The following NCALD variants were observed in gnomAD, a reference collection of about 807,000 sequenced individuals.
NCALD encodes the protein neurocalcin-delta.
NCALD carries 10 observed loss-of-function variants against 18.6 expected under a neutral mutation model. That is an observed-to-expected ratio of 0.54 (90% CI 0.33 to 0.91). The LOEUF (loss-of-function observed/expected upper bound fraction) is 0.91, where lower values mean the gene tolerates loss of function less well. Among genes scored for constraint, NCALD ranks in the 40% least tolerant of loss-of-function variants. The probability of loss-of-function intolerance (pLI) is 0.03; values close to 1 mark genes in which losing one functional copy is unlikely to be tolerated. For missense variants in NCALD, 184 were observed against 247.6 expected (o/e 0.74, Z 1.72); for synonymous variants, 88 against 87.4 (o/e 1.01, Z -0.04).
At chr8:101,731,607 C>T (rs1187531877) in intron 1 of NCALD, among the ~76,000 whole-genome samples, 1 of 152,190 alleles carries the variant, frequency 6.6e-6, no homozygotes, top group African/African-American at 2.4e-5. Flanking sequence ...GGCACACCCA[C>T]CCTGCTCTTA....
intron 1 of NCALD, among the ~76,000 whole-genome samples, chr8:101,781,711 A>G (rs991125294): frequency 6.6e-6 from 1 of 152,220 alleles, no homozygotes; most frequent in African/African-American, 2.4e-5. Context: ...GAGTGAAATT[A>G]TCATCAATAT....
rs995779883 is a variant in NCALD at position 101,874,827 on chromosome 8, G to A, written c.-20+12314C>T. Among the ~76,000 whole-genome samples, 9 of 152,176 alleles carry A rather than the reference G, an allele frequency of 5.9e-5. No homozygotes were observed. In the South Asian group the frequency reaches 1.2e-3, roughly 21 times the overall value. On this transcript the variant is annotated intron_variant, in intron 4 of 6. Transcript: ENST00000311028. ...AGAGGTATGAGCCACTGTGCCCAGC[G>A]TCTTACCCAATTTTTAACTCCTCTC...
chr8:102,037,761 C>A (rs1259993680), intron 1 of NCALD, among the ~76,000 whole-genome samples: 1 of 152,034 alleles, frequency 6.6e-6, no homozygotes, highest in Non-Finnish European at 1.5e-5. Flanking sequence ...TTGAGAGGAC[C>A]CAGTTCTTAG....
intron 2 of NCALD, among the ~76,000 whole-genome samples, chr8:101,955,662 T>C (rs1287477759): frequency 5.9e-5 from 9 of 152,344 alleles, no homozygotes; most frequent in Non-Finnish European, 1.2e-4. Context: ...AGATAATTCT[T>C]AATCTATTTT....
At chr8:102,096,656 T>C (rs554784752) in intron 1 of NCALD, among the ~76,000 whole-genome samples, 2 of 151,676 alleles carry the variant, frequency 1.3e-5, no homozygotes, top group South Asian at 4.2e-4. Context: ...CTGCAACCAA[T>C]TAGACTGACG....
At chr8:102,088,099 T>C (rs1309021546) in intron 1 of NCALD, among the ~76,000 whole-genome samples, 1 of 152,216 alleles carries the variant, frequency 6.6e-6, no homozygotes, top group Non-Finnish European at 1.5e-5. Context: ...TACCTTAGGA[T>C]AGAACATGGG....
At chr8:102,077,603 G>A (rs564783267) in intron 1 of NCALD, among the ~76,000 whole-genome samples, 5 of 152,250 alleles carry the variant, frequency 3.3e-5, no homozygotes, top group East Asian at 3.9e-4. Context: ...ATGCCTGCCC[G>A]TCCTATCCCT....
chr8:101,999,350 T>C (rs1821359531), intron 2 of NCALD, among the ~76,000 whole-genome samples: 1 of 152,150 alleles, frequency 6.6e-6, no homozygotes, highest in African/African-American at 2.4e-5. Context: ...TAAAAAAGAA[T>C]GAAGTAATGG....
intron 2 of NCALD, among the ~76,000 whole-genome samples, chr8:101,929,397 T>A (rs1397924036): frequency 1.8e-3 from 7 of 3,928 alleles, no homozygotes; most frequent in East Asian, 6.3e-3. Flanking sequence ...GAGGGAGGCA[T>A]GGAGGGAGGG....
intron 2 of NCALD, among the ~76,000 whole-genome samples, chr8:101,992,431 T>C (rs1821082760): frequency 6.6e-6 from 1 of 152,170 alleles, no homozygotes; most frequent in African/African-American, 2.4e-5. Flanking sequence ...AAGCCATGCA[T>C]TATGGGTTAA....
intron 3 of NCALD, among the ~76,000 whole-genome samples, chr8:101,912,706 C>A (rs1037359300): frequency 3.9e-5 from 6 of 152,212 alleles, no homozygotes; most frequent in African/African-American, 1.4e-4. Context: ...TTGTAATTCT[C>A]CTATTGTAGA....
intron 1 of NCALD, among the ~76,000 whole-genome samples, chr8:102,116,646 T>C (rs1216465911): frequency 6.6e-6 from 1 of 151,940 alleles, no homozygotes; most frequent in Non-Finnish European, 1.5e-5. Context: ...AGAGGCCTAA[T>C]TTTTTTTCTT....
intron 4 of NCALD, among the ~76,000 whole-genome samples, chr8:101,857,846 A>G (rs1045556717): frequency 1.3e-5 from 2 of 152,206 alleles, no homozygotes; most frequent in African/African-American, 4.8e-5. Context: ...AATATTCCAC[A>G]TCCCAGAAAA....
At chr8:101,772,047 C>A (rs769194583) in intron 1 of NCALD, among the ~76,000 whole-genome samples, 7 of 150,608 alleles carry the variant, frequency 4.6e-5, no homozygotes, top group Non-Finnish European at 7.4e-5. Context: ...AGGCCACATC[C>A]CACAGAGAGT....
In NCALD at chr8:101,906,927, A is replaced by G. The variant is rs1043639021; in HGVS notation, c.-107+8882T>C. Among the ~76,000 whole-genome samples the G allele has an allele frequency of 5.9e-5, 9 of 152,260 alleles. 1 individual carries two copies. Among genetic ancestry groups the G allele is most frequent in the South Asian group, 4.1e-4 (2 of 4,832 alleles). Reference sequence around the variant, plus strand: ...TTAATGCAATGTTTTAAAGAAAATCAGAATGAATGAAGACATTCATGATGA... The same window carrying G: ...TTAATGCAATGTTTTAAAGAAAATCGGAATGAATGAAGACATTCATGATGA... On this transcript the variant is annotated intron_variant, in intron 3 of 6. Transcript: ENST00000311028.
rs1250325821 is a variant in NCALD at position 101,688,852 on chromosome 8, T to G, written c.*457A>C. 1.3e-5 allele frequency: 8 copies of G among 624,868 alleles called. No individual in the cohort carries two copies. Among genetic ancestry groups the G allele is most frequent in the Non-Finnish European group, 2.3e-5 (8 of 347,502 alleles). The allele number at this position is 624,868 out of a possible 1,614,324, so 38.7% of individuals were successfully genotyped here. A position where few individuals can be genotyped will look rare whatever the true frequency, so the allele number is the denominator to read the frequency against. Reference sequence around the variant, plus strand: ...CTCACCCCAGAGGGTAACTTGTTCTTGGGGAATCCAGCATCCGGTGCCATC... The same window carrying G: ...CTCACCCCAGAGGGTAACTTGTTCTGGGGGAATCCAGCATCCGGTGCCATC... On this transcript the variant is annotated 3_prime_UTR_variant, in exon 4 of 4. Transcript: ENST00000220931.
chr8:101,785,787 T>A (rs1474856133), intron 1 of NCALD: 1 of 152,216 alleles, frequency 6.6e-6, no homozygotes, highest in Non-Finnish European at 1.5e-5. Context: ...CCTACCAGTC[T>A]CATTTGTCTT....
rs541819351 is a variant in NCALD, at chr8:101,689,405, T to C, written c.486A>G (p.Gly162=). 5.6e-6 allele frequency: 9 copies of C among 1,600,556 alleles called. No homozygotes were observed. The African/African-American group carries it at 8.0e-5, about 14-fold the overall frequency. Residue 162 remains glycine, a splice_region_variant and synonymous_variant, in exon 4 of 4, where the codon GGA becomes GGG. Coordinates refer to ENST00000220931, the MANE Select transcript of NCALD (RefSeq NM_032041.3). This position sits in a 1 kb window ranked among gnomAD's most constrained non-coding sequence, Gnocchi z 4.4. ...GGATGAACTCTTCCAGGGAGAGTTT[T>C]CCTAGGAAGCAAGAGGACAGGTGAG... ...IFRQMDTNRD[G]KLSLEEFIRG...
chr8:101,763,558 C>T (rs561025715), intron 1 of NCALD, among the ~76,000 whole-genome samples: 16 of 152,122 alleles, frequency 1.1e-4, no homozygotes, highest in African/African-American at 3.6e-4. Context: ...CACAGGGTGT[C>T]GGATATTTGG....
Sources: gnomAD v4.1 joint callset for allele counts (sites outside exome capture counted in the v4.1 genomes callset) on GRCh38, gnomAD v4.1.1 for gene constraint, Gnocchi (gnomAD v3.1) non-coding constraint, MANE v1.5 for transcripts, NCBI Gene and HGNC (gene_info 2026-07-23, HGNC 2026-07-21) for gene names.